MINDY2: variants seen among roughly 807,000 people sequenced by gnomAD.
MINDY2 encodes ubiquitin carboxyl-terminal hydrolase MINDY-2.
In MINDY2, 52 loss-of-function variants were observed where a neutral mutation model predicts 68.2. The observed-to-expected ratio is 0.76, with a 90% CI of 0.61 to 0.96. The LOEUF is 0.96. Among genes scored for constraint, MINDY2 ranks in the 40% least tolerant of loss-of-function variants. MINDY2 has a pLI of 0.00. For missense variants in MINDY2, 881 were observed against 773.4 expected (o/e 1.14, Z -1.65); for synonymous variants, 372 against 303.0 (o/e 1.23, Z -2.36).
chr15:58,849,671 G>C (rs1409116819), intron 7 of MINDY2, among the ~76,000 whole-genome samples: 4 of 152,128 alleles, frequency 2.6e-5, no homozygotes, highest in Non-Finnish European at 4.4e-5. Flanking sequence ...AGAACTTGAA[G>C]GACAAATTCT....
chr15:58,817,013 C>T (rs2030732268), intron 4 of MINDY2, among the ~76,000 whole-genome samples: 1 of 152,078 alleles, frequency 6.6e-6, no homozygotes, highest in Non-Finnish European at 1.5e-5. Flanking sequence ...AATAAAACTA[C>T]AAAAGTTTGA....
intron 4 of MINDY2, among the ~76,000 whole-genome samples, chr15:58,813,067 T>A (rs1299682744): frequency 6.6e-6 from 1 of 152,202 alleles, no homozygotes; most frequent in Non-Finnish European, 1.5e-5. Flanking sequence ...TCTTTTTGGA[T>A]TGCATTTCAT....
chr15:58,809,591 T>G (rs2030077784), intron 3 of MINDY2, among the ~76,000 whole-genome samples: 1 of 152,236 alleles, frequency 6.6e-6, no homozygotes, highest in Non-Finnish European at 1.5e-5. Flanking sequence ...AGGAGAGGCC[T>G]TCTTCCTCTT....
At chr15:58,850,229 AG>A (rs2032748703) in intron 7 of MINDY2, among the ~76,000 whole-genome samples, 1 of 152,142 alleles carries the variant, frequency 6.6e-6, no homozygotes, top group Non-Finnish European at 1.5e-5. Context: ...ACATGGGAGG[AG>A]GGAGGAGATG....
chr15:58,831,999 T>G (rs2031753084), intron 6 of MINDY2, 83 bp downstream of exon 6: 7 of 1,222,286 alleles, frequency 5.7e-6, no homozygotes, highest in Non-Finnish European at 7.7e-6. Flanking sequence ...TGCTTATAAA[T>G]AAAAGATTTT....
At position 58,856,707 on chromosome 15, in the gene MINDY2, G is replaced by T. The variant is rs1392695888; in HGVS notation, c.*2097G>T. On this transcript the variant is annotated 3_prime_UTR_variant, in exon 9 of 9. Coordinates refer to ENST00000559228, the MANE Select transcript of MINDY2 (RefSeq NM_001040450.3). Reference sequence around the variant, plus strand: ...GATATCACTCTGTTGGCTGAAGGAGGTAACTCAAACCTCAGGGTTTGTTTT... The same window carrying T: ...GATATCACTCTGTTGGCTGAAGGAGTTAACTCAAACCTCAGGGTTTGTTTT... 1 of 152,188 alleles carries T rather than the reference G, an allele frequency of 6.6e-6. No individual in the cohort carries two copies. The highest frequency in any genetic ancestry group is 1.9e-4 in the East Asian group (1 of 5,196). 9.4% of individuals were successfully genotyped at this position (152,188 alleles called of 1,614,324 possible).
intron 1 of MINDY2, among the ~76,000 whole-genome samples, chr15:58,783,996 T>C (rs1044626785): frequency 1.3e-5 from 2 of 152,142 alleles, no homozygotes; most frequent in African/African-American, 4.8e-5. Flanking sequence ...GTAGCTATTT[T>C]CTTTTATTAA....
intron 5 of MINDY2, among the ~76,000 whole-genome samples, chr15:58,830,750 A>G (rs2031664897): frequency 6.6e-6 from 1 of 152,138 alleles, no homozygotes; most frequent in African/African-American, 2.4e-5. Flanking sequence ...TGTGAAAAAC[A>G]TGGCACTAAA....
In MINDY2 at chr15:58,859,963, A is replaced by G. The variant is rs2033170485; in HGVS notation, c.*5353A>G. 6.6e-6 allele frequency: 1 copy of G among 152,122 alleles called. No homozygotes were observed. The highest frequency in any genetic ancestry group is 2.4e-5 in the African/African-American group (1 of 41,414). The allele number at this position is 152,122 out of a possible 1,614,324, so 9.4% of individuals were successfully genotyped here. ...TTAGACTTGTCTGCCTAACACAGGTATTTTTTAGGGCATCGTACTATCCCA... is the reference window on the plus strand; with the variant it reads ...TTAGACTTGTCTGCCTAACACAGGTGTTTTTTAGGGCATCGTACTATCCCA... On this transcript the variant is annotated 3_prime_UTR_variant, in exon 9 of 9. Transcript: ENST00000559228.
intron 2 of MINDY2, 122 bp downstream of exon 2, chr15:58,788,085 A>T (rs1268849548): frequency 1.7e-6 from 1 of 603,254 alleles, no homozygotes; most frequent in African/African-American, 1.9e-5. Context: ...TATAGTTTTG[A>T]ATCTGCTAAT....
In MINDY2 at chr15:58,854,532, T is replaced by C. The variant is rs2032990347; in HGVS notation, c.1788T>C (p.Asn596=). The change falls in exon 9 of 9, where the codon AAT becomes AAC. Residue 596 remains asparagine, a synonymous_variant. Transcript: ENST00000559228. The part of the protein sequence containing the change: ...ASPSSGRQSG[N]SERKRKEPRE... Reference sequence around the variant, plus strand: ...CATCAAGTGGAAGACAATCTGGGAATAGTGAACGTAAACGGAAGGAACCAC... The same window carrying C: ...CATCAAGTGGAAGACAATCTGGGAACAGTGAACGTAAACGGAAGGAACCAC... 1 of 1,613,770 alleles carries C rather than the reference T, an allele frequency of 6.2e-7. No individual in the cohort carries two copies. Among genetic ancestry groups the C allele is most frequent in the Non-Finnish European group, 8.5e-7 (1 of 1,179,902 alleles).
Position 58,788,260 on chromosome 15 carries a change from C to T in MINDY2, c.898+297C>T, listed in dbSNP as rs1160587398. ...ATGGGAGATGGTACAGAATCGCTGA[C>T]ATTGCATGTAGAAAGTGTTCAAAAA... On this transcript the variant is annotated intron_variant, in intron 2 of 8. Transcript: ENST00000559228. Among the ~76,000 whole-genome samples the T allele has an allele frequency of 5.3e-5, 8 of 152,118 alleles. No individual in the cohort carries two copies. The East Asian group carries it at 1.5e-3, about 29-fold the overall frequency.
rs753975695 is a variant in MINDY2, at chr15:58,851,817, A to G, written c.1589A>G (p.Glu530Gly). Residue 530 changes from glutamate to glycine, a missense_variant, in exon 8 of 9, where the codon GAG (glutamate) becomes GGG (glycine). Transcript: ENST00000559228. ...LSLQQEQQSQ[E>G]INWEQIPEGI... ...CTACAACAAGAACAGCAGAGCCAAG[A>G]GATCAATTGGGAACAAATCCCGGAA... 1 of 1,608,372 alleles carries G rather than the reference A, an allele frequency of 6.2e-7. No homozygotes were observed. The highest frequency in any genetic ancestry group is 8.5e-7 in the Non-Finnish European group (1 of 1,178,522).
intron 5 of MINDY2, among the ~76,000 whole-genome samples, chr15:58,824,353 C>A (rs1025524633): frequency 6.6e-6 from 1 of 152,072 alleles, no homozygotes; most frequent in African/African-American, 2.4e-5. Context: ...AAGAAAGAAA[C>A]CCTCTAAAAT....
chr15:58,771,743 G>A lies in MINDY2; in HGVS notation c.348G>A (p.Val116=), dbSNP rs1433110614. ...TGACCGCCTCCCCGGAGACAGCCGT[G>A]GCCGGAGTGGGTCATGAGTTGGGTA... The part of the protein sequence containing the change: ...YKVTASPETA[V]AGVGHELGTA... Residue 116 remains valine, a synonymous_variant, in exon 1 of 9, where the codon GTG becomes GTA. Transcript: ENST00000559228. 1.9e-6 allele frequency: 3 copies of A among 1,611,732 alleles called. No homozygotes were observed. Among genetic ancestry groups the A allele is most frequent in the Non-Finnish European group, 2.5e-6 (3 of 1,179,566 alleles).
rs140711522 is a variant in MINDY2 at position 58,796,878 on chromosome 15, G to A, written c.899-5435G>A. ...ATGAGTTACATGTATTTCTGACCCT[G>A]TTTCCTATCCAGCTCTTCCATATCC... On this transcript the variant is annotated intron_variant, in intron 2 of 8. Transcript: ENST00000559228. 7.8e-3 allele frequency among the ~76,000 whole-genome samples: 1,185 copies of A among 152,188 alleles called. 11 individuals carry two copies. Among genetic ancestry groups the A allele is most frequent in the Middle Eastern group, 0.02 (6 of 294 alleles).
At chr15:58,818,669 T>TC (rs57170334) in intron 4 of MINDY2, among the ~76,000 whole-genome samples, 6 of 148,476 alleles carry the variant, frequency 4.0e-5, no homozygotes, top group Non-Finnish European at 7.5e-5. Flanking sequence ...TTTTTTTTTT[T>TC]GAGACAGTGT....
chr15:58,830,068 T>TA (rs2031630896), intron 5 of MINDY2, among the ~76,000 whole-genome samples: 1 of 152,174 alleles, frequency 6.6e-6, no homozygotes, highest in African/African-American at 2.4e-5. Context: ...CATCTCTACT[T>TA]ACTCCAAAAG....
At chr15:58,780,351 G>A (rs1312434414) in intron 1 of MINDY2, among the ~76,000 whole-genome samples, 3 of 151,756 alleles carry the variant, frequency 2.0e-5, no homozygotes, top group African/African-American at 4.8e-5. Context: ...GCGGTGAGCC[G>A]AGATAGCGCC....
Sources: allele counts gnomAD v4.1 joint callset (sites outside exome capture counted in the v4.1 genomes callset), GRCh38; gene constraint gnomAD v4.1.1; transcripts MANE v1.5; gene names NCBI Gene and HGNC (gene_info 2026-07-23, HGNC 2026-07-21).